The following COL19A1 variants were observed in gnomAD, a reference collection of about 807,000 sequenced individuals.
COL19A1 encodes the protein collagen type XIX alpha 1 chain.
A neutral mutation model predicts 190.2 loss-of-function variants in COL19A1; 159 were observed. The ratio of observed to expected loss-of-function variants is 0.84; its 90% CI spans 0.73 to 0.95. The LOEUF (loss-of-function observed/expected upper bound fraction) is 0.95, where lower values mean the gene tolerates loss of function less well. COL19A1 is among the 40% of genes least tolerant of loss of function. The pLI, the probability that COL19A1 is intolerant of heterozygous loss-of-function variation, is 0.00. For missense variants in COL19A1, 1,418 were observed against 1,431.9 expected (o/e 0.99, Z 0.16); for synonymous variants, 509 against 458.9 (o/e 1.11, Z -1.39).
At chr6:70,192,443 C>G (rs914495109) in intron 48 of COL19A1, among the ~76,000 whole-genome samples, 1 of 151,566 alleles carries the variant, frequency 6.6e-6, no homozygotes, top group Non-Finnish European at 1.5e-5. Flanking sequence ...TCTTTTCTTT[C>G]ATTCTCTTTC....
chr6:70,006,244 A>T (rs993766553), intron 11 of COL19A1, among the ~76,000 whole-genome samples: 3 of 152,170 alleles, frequency 2.0e-5, no homozygotes, highest in African/African-American at 7.2e-5. Flanking sequence ...CCTGTTGAGA[A>T]TCTGCGCAGC....
intron 42 of COL19A1, 115 bp from the exon 43 acceptor site, chr6:70,180,197 T>A: frequency 8.5e-7 from 1 of 1,172,680 alleles, no homozygotes; most frequent in South Asian, 1.4e-5. Context: ...GAAATGCCAC[T>A]GGAGAGCATC....
At chr6:69,893,485 A>G (rs1293477608) in intron 2 of COL19A1, among the ~76,000 whole-genome samples, 1 of 152,194 alleles carries the variant, frequency 6.6e-6, no homozygotes, top group Non-Finnish European at 1.5e-5. Flanking sequence ...TCTTGCCCAG[A>G]TTCCTTTCTA....
chr6:70,101,548 C>T (rs564614827), intron 15 of COL19A1, among the ~76,000 whole-genome samples: 7 of 152,138 alleles, frequency 4.6e-5, no homozygotes, highest in African/African-American at 1.7e-4. Flanking sequence ...GCTTAACCAT[C>T]TAAAGGGAAG....
chr6:69,895,764 A>G (rs1191159048), intron 2 of COL19A1, among the ~76,000 whole-genome samples: 1 of 152,180 alleles, frequency 6.6e-6, no homozygotes, highest in Admixed American at 6.5e-5. Flanking sequence ...ATTTAATATT[A>G]TATCTGTGAG....
At chr6:69,949,285 T>G (rs1773991354) in intron 9 of COL19A1, among the ~76,000 whole-genome samples, 1 of 151,792 alleles carries the variant, frequency 6.6e-6, no homozygotes, top group African/African-American at 2.4e-5. Flanking sequence ...TTTGACCACT[T>G]TCTCTTCCCA....
intron 49 of COL19A1, among the ~76,000 whole-genome samples, chr6:70,203,416 A>G (rs1294781334): frequency 6.6e-6 from 1 of 152,138 alleles, no homozygotes; most frequent in Non-Finnish European, 1.5e-5. Flanking sequence ...TATAGATTTG[A>G]CCTTTCAAAT....
rs1775243748 is a variant in COL19A1 at position 69,968,451 on chromosome 6, A to G, written c.1026+5581A>G. On this transcript the variant is annotated intron_variant, in intron 11 of 50. Transcript: ENST00000620364. ...TTTCAGATAGATAGATTTAACTTTT[A>G]TATTTAACTTGTAACAGCAGAAATT... Among the ~76,000 whole-genome samples the G allele has an allele frequency of 2.0e-5, 3 of 152,138 alleles. No individual in the cohort carries two copies. In the South Asian group the frequency reaches 6.2e-4, roughly 31 times the overall value.
intron 11 of COL19A1, among the ~76,000 whole-genome samples, chr6:69,973,612 GT>G (rs1311769820): frequency 7.6e-6 from 1 of 130,906 alleles, no homozygotes; most frequent in Non-Finnish European, 1.7e-5. Flanking sequence ...AAAAAGATGT[GT>G]TTTTTTAAAT....
chr6:69,918,674 C>T (rs1194542856), intron 4 of COL19A1, among the ~76,000 whole-genome samples: 1 of 152,108 alleles, frequency 6.6e-6, no homozygotes, highest in Non-Finnish European at 1.5e-5. Context: ...CCTCTGCACT[C>T]CTGCCTGGGT....
At position 70,087,162 on chromosome 6, in the gene COL19A1, AG is replaced by A. The variant is rs1782637710; in HGVS notation, c.1225-15006del. 3.3e-5 allele frequency among the ~76,000 whole-genome samples: 5 copies of A among 152,334 alleles called. No individual in the cohort carries two copies. The South Asian group carries it at 1.0e-3, about 32-fold the overall frequency. On this transcript the variant is annotated intron_variant, in intron 15 of 50. Coordinates refer to ENST00000620364, the MANE Select transcript of COL19A1 (RefSeq NM_001858.6). ...TTCTTACTTTTCACAGGAAAAGTTTAGTAACACCTAAAATAGTCAAAAACCT... is the reference window on the plus strand; with the variant it reads ...TTCTTACTTTTCACAGGAAAAGTTTATAACACCTAAAATAGTCAAAAACCT...
At chr6:70,098,343 T>A (rs2150183472) in intron 15 of COL19A1, 1 of 465,244 alleles carries the variant, frequency 2.1e-6, no homozygotes, top group South Asian at 1.6e-5. Flanking sequence ...GTTAGCTCCT[T>A]TTTTAAAAAA....
Position 69,898,820 on chromosome 6 carries a change from T to C in COL19A1, c.92-128T>C, listed in dbSNP as rs1769965524. Reference sequence around the variant, plus strand: ...AACACTGAGGTGGTTAATGTTCTTATCCTCATTTTACAGAAATTTAATAAA... The same window carrying C: ...AACACTGAGGTGGTTAATGTTCTTACCCTCATTTTACAGAAATTTAATAAA... On this transcript the variant is annotated intron_variant, in intron 2 of 50. Coordinates refer to ENST00000620364, the MANE Select transcript of COL19A1 (RefSeq NM_001858.6). The C allele has an allele frequency of 4.7e-6, 3 of 632,528 alleles. No individual in the cohort carries two copies. The South Asian group carries it at 6.7e-5, about 14-fold the overall frequency. The allele number at this position is 632,528 out of a possible 1,614,324, so 39.2% of individuals were successfully genotyped here.
rs1403022657 is a variant in COL19A1, at chr6:70,209,843, C to G, written c.*2569C>G. On this transcript the variant is annotated 3_prime_UTR_variant, in exon 51 of 51. Transcript: ENST00000620364. ...TGTACACATGATATGCAACAAAGGG[C>G]AGCAAGAAATGCTGGGTCCACCTAA... is the stretch of plus-strand genomic sequence containing the variant. 6.6e-6 allele frequency: 1 copy of G among 152,150 alleles called. No homozygotes were observed. Among genetic ancestry groups the G allele is most frequent in the East Asian group, 1.9e-4 (1 of 5,188 alleles). The allele number at this position is 152,150 out of a possible 1,614,324, so 9.4% of individuals were successfully genotyped here. A position where few individuals can be genotyped will look rare whatever the true frequency, so the allele number is the denominator to read the frequency against.
chr6:69,950,607 A>G (rs915412497), intron 9 of COL19A1, among the ~76,000 whole-genome samples: 39 of 151,246 alleles, frequency 2.6e-4, no homozygotes, highest in African/African-American at 9.5e-4. Flanking sequence ...AATCAAAATA[A>G]GTAAACTGGA....
intron 14 of COL19A1, among the ~76,000 whole-genome samples, chr6:70,063,558 C>T (rs533892100): frequency 9.2e-5 from 14 of 152,110 alleles, no homozygotes; most frequent in Middle Eastern, 3.4e-3. Flanking sequence ...ACCCCAACAT[C>T]GCAATTAAAA....
At chr6:69,989,044 C>A (rs1488195871) in intron 11 of COL19A1, among the ~76,000 whole-genome samples, 1 of 152,184 alleles carries the variant, frequency 6.6e-6, no homozygotes, top group Admixed American at 6.6e-5. Flanking sequence ...CATCTCATTT[C>A]TCATAGCCGC....
intron 14 of COL19A1, among the ~76,000 whole-genome samples, chr6:70,045,113 G>C (rs10945193): frequency 0.46 from 70,092 of 151,572 alleles, 17,159 homozygotes; most frequent in Non-Finnish European, 0.52. Flanking sequence ...GGGAGTTTGA[G>C]ACCAGCCTGA....
chr6:70,033,356 C>A (rs921827713), intron 12 of COL19A1, among the ~76,000 whole-genome samples: 2 of 152,090 alleles, frequency 1.3e-5, no homozygotes, highest in African/African-American at 4.8e-5. Context: ...GACACTTAGA[C>A]TTGCTGTGCA....
Sources: allele counts gnomAD v4.1 joint callset (sites outside exome capture counted in the v4.1 genomes callset), GRCh38; gene constraint gnomAD v4.1.1; transcripts MANE v1.5; gene names NCBI Gene and HGNC (gene_info 2026-07-23, HGNC 2026-07-21).